SLC26A7: variants seen among roughly 807,000 people sequenced by gnomAD.
SLC26A7 encodes the protein solute carrier family 26 member 7.
SLC26A7 carries 59 observed loss-of-function variants against 82.5 expected under a neutral mutation model. That is an observed-to-expected ratio of 0.72 (90% CI 0.58 to 0.89). The LOEUF is 0.89. Among genes scored for constraint, SLC26A7 ranks in the 40% least tolerant of loss-of-function variants. The pLI, the probability that SLC26A7 is intolerant of heterozygous loss-of-function variation, is 0.00. For missense variants in SLC26A7, 820 were observed against 793.0 expected (o/e 1.03, Z -0.41); for synonymous variants, 271 against 274.3 (o/e 0.99, Z 0.12).
chr8:91,303,411 T>C (rs1812221002), intron 4 of SLC26A7, among the ~76,000 whole-genome samples: 1 of 152,196 alleles, frequency 6.6e-6, no homozygotes, highest in African/African-American at 2.4e-5. Flanking sequence ...GAAGAAGCCA[T>C]AGGACAAGAT....
At chr8:91,311,639 T>A (rs1445388365) in intron 4 of SLC26A7, among the ~76,000 whole-genome samples, 1 of 152,142 alleles carries the variant, frequency 6.6e-6, no homozygotes, top group Non-Finnish European at 1.5e-5. Flanking sequence ...TAGAAGTTTA[T>A]TTTGCCAAGG....
intron 2 of SLC26A7, among the ~76,000 whole-genome samples, chr8:91,236,953 AG>A (rs1219757294): frequency 6.6e-6 from 1 of 152,210 alleles, no homozygotes; most frequent in African/African-American, 2.4e-5. Flanking sequence ...TTTGTACTTT[AG>A]GTAAATTATT....
At chr8:91,212,869 A>G (rs192154012) in intron 1 of SLC26A7, among the ~76,000 whole-genome samples, 1 of 151,934 alleles carries the variant, frequency 6.6e-6, no homozygotes, top group Non-Finnish European at 1.5e-5. Context: ...TTTTATTCCA[A>G]AAATAACAAA....
intron 9 of SLC26A7, among the ~76,000 whole-genome samples, chr8:91,350,972 G>A (rs558851874): frequency 2.0e-5 from 3 of 151,362 alleles, no homozygotes; most frequent in African/African-American, 7.3e-5. Flanking sequence ...GATATTGATT[G>A]TTTGTTTATA....
chr8:91,288,553 T>C (rs1811773121), intron 2 of SLC26A7, among the ~76,000 whole-genome samples: 1 of 152,226 alleles, frequency 6.6e-6, no homozygotes, highest in African/African-American at 2.4e-5. Context: ...TCTAAGACAC[T>C]GTACCTGAAA....
At chr8:91,291,129 TA>T (rs1346024518) in intron 3 of SLC26A7, among the ~76,000 whole-genome samples, 1 of 152,170 alleles carries the variant, frequency 6.6e-6, no homozygotes, top group African/African-American at 2.4e-5. Flanking sequence ...ATTTATTAGG[TA>T]ATTTATTAAG....
At chr8:91,275,984 T>G (rs909676270) in intron 2 of SLC26A7, among the ~76,000 whole-genome samples, 3 of 152,116 alleles carry the variant, frequency 2.0e-5, no homozygotes, top group Admixed American at 1.3e-4. Flanking sequence ...TAACTAATCC[T>G]CTCTGAAAAT....
intron 2 of SLC26A7, among the ~76,000 whole-genome samples, chr8:91,259,727 C>G (rs1182319137): frequency 6.6e-6 from 1 of 152,046 alleles, no homozygotes; most frequent in Non-Finnish European, 1.5e-5. Context: ...CCTGCCTTGT[C>G]CCTTTCACCT....
At chr8:91,380,190 C>T (rs544013131) in intron 15 of SLC26A7, among the ~76,000 whole-genome samples, 81 of 152,082 alleles carry the variant, frequency 5.3e-4, no homozygotes, top group Non-Finnish European at 8.4e-4. Flanking sequence ...CCTACAAAGT[C>T]GGTGGTAGTA....
At chr8:91,296,743 G>A (rs1429921114) in intron 4 of SLC26A7, among the ~76,000 whole-genome samples, 3 of 152,196 alleles carry the variant, frequency 2.0e-5, no homozygotes, top group Non-Finnish European at 4.4e-5. Flanking sequence ...GACCAGACTG[G>A]TGGACCAATC....
chr8:91,358,635 C>G (rs920666209), intron 11 of SLC26A7, among the ~76,000 whole-genome samples: 1 of 152,052 alleles, frequency 6.6e-6, no homozygotes, highest in Non-Finnish European at 1.5e-5. Flanking sequence ...TGGCCGCACA[C>G]ATATGTTTGT....
At chr8:91,254,637 C>T (rs1044148684) in intron 2 of SLC26A7, among the ~76,000 whole-genome samples, 4 of 151,938 alleles carry the variant, frequency 2.6e-5, no homozygotes, top group Non-Finnish European at 4.4e-5. Flanking sequence ...GTGGTTACCC[C>T]TCTTCAGAAT....
At chr8:91,298,096 G>T (rs1812063644) in intron 4 of SLC26A7, among the ~76,000 whole-genome samples, 1 of 152,074 alleles carries the variant, frequency 6.6e-6, no homozygotes, top group Non-Finnish European at 1.5e-5. Context: ...GTTCTGGGGG[G>T]GCTTTGGTGT....
intron 16 of SLC26A7, among the ~76,000 whole-genome samples, 157 bp from the exon 17 acceptor site, chr8:91,393,640 C>G (rs995496340): frequency 6.6e-6 from 1 of 152,066 alleles, no homozygotes; most frequent in South Asian, 2.1e-4. Flanking sequence ...TAGACGCTTG[C>G]CAGATTATGC....
At chr8:91,339,427 AC>A in intron 7 of SLC26A7, among the ~76,000 whole-genome samples, 1 of 152,228 alleles carries the variant, frequency 6.6e-6, no homozygotes, top group South Asian at 2.1e-4. Flanking sequence ...TCTGCCATTC[AC>A]CTTGTGATGT....
chr8:91,378,801 CAG>C (rs1814590246), intron 15 of SLC26A7, among the ~76,000 whole-genome samples: 1 of 151,794 alleles, frequency 6.6e-6, no homozygotes, highest in Admixed American at 6.6e-5. Flanking sequence ...AAATATTTAA[CAG>C]AAGGAAATTT....
intron 5 of SLC26A7, among the ~76,000 whole-genome samples, chr8:91,328,807 T>C (rs916053419): frequency 6.6e-6 from 1 of 152,088 alleles, no homozygotes; most frequent in Admixed American, 6.6e-5. Context: ...GAAAAAAGCC[T>C]CACATCTAAA....
chr8:91,353,740 G>T (rs1022557144), intron 11 of SLC26A7, among the ~76,000 whole-genome samples: 10 of 152,066 alleles, frequency 6.6e-5, no homozygotes, highest in African/African-American at 1.9e-4. Flanking sequence ...GAGGTTTTGG[G>T]ATATTATTTA....
At chr8:91,356,675 A>G (rs1048049862) in intron 11 of SLC26A7, among the ~76,000 whole-genome samples, 12 of 152,152 alleles carry the variant, frequency 7.9e-5, no homozygotes, top group Non-Finnish European at 1.5e-4. Flanking sequence ...CCCATTTTGT[A>G]GGTTGTCTGT....
Sources: gnomAD v4.1 joint callset for allele counts (sites outside exome capture counted in the v4.1 genomes callset) on GRCh38, gnomAD v4.1.1 for gene constraint, MANE v1.5 for transcripts, NCBI Gene and HGNC (gene_info 2026-07-23, HGNC 2026-07-21) for gene names.